TMEM223: variants seen among roughly 807,000 people sequenced by gnomAD.
The protein encoded by TMEM223 is transmembrane protein 223.
TMEM223 carries 14 observed loss-of-function variants against 14.1 expected under a neutral mutation model. That is an observed-to-expected ratio of 0.99 (90% CI 0.66 to 1.55). TMEM223 has a LOEUF of 1.55. TMEM223 is among the 40% of genes most tolerant of loss of function. TMEM223 has a pLI of 0.00. For synonymous variants in TMEM223, 145 were observed against 120.5 expected, an observed-to-expected ratio of 1.20 and a Z score of -1.33; for missense variants, 346 against 269.9, an observed-to-expected ratio of 1.28 and a Z score of -1.97.
chr11:62,784,231 G>A (rs375066960), downstream of TMEM223, among the ~76,000 whole-genome samples: 4 of 150,066 alleles, frequency 2.7e-5, no homozygotes, highest in South Asian at 6.3e-4. Flanking sequence ...CTCGTGTTCC[G>A]CCCGCCTCGG....
intron 1 of TMEM223, chr11:62,778,175 G>A (rs771707530): frequency 6.2e-7 from 1 of 1,613,940 alleles, no homozygotes; most frequent in Non-Finnish European, 8.5e-7. Flanking sequence ...GTTGGGCCGT[G>A]AAGAGAAGTG....
chr11:62,784,670 G>A (rs2084257438), downstream of TMEM223, among the ~76,000 whole-genome samples: 1 of 152,114 alleles, frequency 6.6e-6, no homozygotes, highest in Non-Finnish European at 1.5e-5. Flanking sequence ...TGCATCTTTT[G>A]AAATGATCCG....
downstream of TMEM223, chr11:62,787,698 G>T: frequency 1.2e-6 from 1 of 827,208 alleles, no homozygotes; most frequent in Non-Finnish European, 1.8e-6. Context: ...CGCGCTTTGT[G>T]GCTCCTCCTG....
downstream of TMEM223, among the ~76,000 whole-genome samples, chr11:62,783,946 G>A (rs1236793717): frequency 2.0e-5 from 3 of 147,130 alleles, no homozygotes; most frequent in Admixed American, 6.9e-5. Context: ...TGTTGCTTTT[G>A]AGATTTTTGT....
At chr11:62,772,889 T>G (rs2084159988) in intron 2 of TMEM223, among the ~76,000 whole-genome samples, 1 of 152,032 alleles carries the variant, frequency 6.6e-6, no homozygotes, top group Non-Finnish European at 1.5e-5. Context: ...TGTTTTGTGT[T>G]TTTTTTGAGA....
downstream of TMEM223, chr11:62,787,360 T>G (rs1263677729): frequency 7.8e-6 from 12 of 1,538,206 alleles, no homozygotes; most frequent in East Asian, 2.3e-5. Context: ...TCCACCTTCG[T>G]GGGTCGCGCC....
intron 1 of TMEM223, chr11:62,779,096 C>G: frequency 1.4e-6 from 1 of 690,466 alleles, no homozygotes; most frequent in Non-Finnish European, 2.4e-6. Context: ...TCTCAGCTCA[C>G]CGCACCCTCT....
chr11:62,776,242 G>C, intron 1 of TMEM223: 1 of 821,590 alleles, frequency 1.2e-6, no homozygotes, highest in Non-Finnish European at 2.0e-6. Flanking sequence ...TTTTGTACAG[G>C]AGCAGAGACG....
rs375107993 is a variant in TMEM223, at chr11:62,791,965, C to A, written c.30G>T (p.Thr10=). Residue 10 remains threonine, a synonymous_variant, in exon 1 of 2, where the codon ACG becomes ACT. Coordinates refer to ENST00000307366, the MANE Select transcript of TMEM223 (RefSeq NM_001080501.3). MAAPWRRWP[T]GLLAVLRPLL... is the part of the protein sequence containing the mutation. The stretch of plus-strand genomic sequence containing the variant: ...GGGGCCGCAGCACGGCTAGCAGCCC[C>A]GTGGGCCATCGCCTCCAAGGCGCCG... 24 of 1,565,140 alleles carry A rather than the reference C, an allele frequency of 1.5e-5. No individual in the cohort carries two copies. Among genetic ancestry groups the A allele is most frequent in the Non-Finnish European group, 2.1e-5 (24 of 1,153,594 alleles).
chr11:62,787,731 T>G, downstream of TMEM223: 4 of 693,920 alleles, frequency 5.8e-6, no homozygotes, highest in East Asian at 2.7e-5. Flanking sequence ...TTCGAAGTTG[T>G]CCCCTCGCCA....
chr11:62,772,392 G>C (rs1845722956), intron 2 of TMEM223, among the ~76,000 whole-genome samples: 2 of 151,914 alleles, frequency 1.3e-5, no homozygotes, highest in South Asian at 4.2e-4. Context: ...GCATGGCGGC[G>C]TATGCCTGTA....
chr11:62,780,711 T>C (rs1204583379), intron 1 of TMEM223, among the ~76,000 whole-genome samples: 1 of 141,662 alleles, frequency 7.1e-6, no homozygotes, highest in African/African-American at 2.6e-5. Context: ...GGGTGGATCA[T>C]GTGAGGCCGG....
chr11:62,783,396 G>C (rs973030554), downstream of TMEM223, among the ~76,000 whole-genome samples: 5 of 151,920 alleles, frequency 3.3e-5, no homozygotes, highest in African/African-American at 1.2e-4. Flanking sequence ...GCAGGAGAAT[G>C]GCGTGAACCC....
In TMEM223 at chr11:62,790,594, G is replaced by C; in HGVS notation, c.*29C>G. The C allele has an allele frequency of 6.3e-7, 1 of 1,582,260 alleles. No individual in the cohort carries two copies. The highest frequency in any genetic ancestry group is 8.6e-7 in the Non-Finnish European group (1 of 1,160,044). On this transcript the variant is annotated 3_prime_UTR_variant, in exon 2 of 2. Coordinates refer to ENST00000307366, the MANE Select transcript of TMEM223 (RefSeq NM_001080501.3). ...AAGGTTCAGTTTTTATCCTCCTCTT[G>C]GAGAGGTGAGTGACTTGAGGTCATT...
At chr11:62,775,570 T>G in intron 1 of TMEM223, 1 of 542,732 alleles carries the variant, frequency 1.8e-6, no homozygotes. Context: ...ACTTTGGACT[T>G]TGTCTAGCTT....
chr11:62,786,415 C>T (rs1238299092), downstream of TMEM223: 3 of 1,607,416 alleles, frequency 1.9e-6, no homozygotes, highest in Non-Finnish European at 2.6e-6. Flanking sequence ...TCCAGCCTCC[C>T]TTCCCTGCAT....
At chr11:62,784,376 C>T (rs1179224082), downstream of TMEM223, among the ~76,000 whole-genome samples, 3 of 149,188 alleles carry the variant, frequency 2.0e-5, no homozygotes, top group Non-Finnish European at 3.0e-5. Flanking sequence ...GCCATCTTGG[C>T]TAACTGCAAC....
At position 62,781,815 on chromosome 11, in the gene TMEM223, A is replaced by C. The variant is rs1431638402; in HGVS notation, c.315-7150T>G. On this transcript the variant is annotated intron_variant, in intron 1 of 2. Coordinates refer to the TMEM223 transcript ENST00000528367. ...TTGTAAAACATGAATAAGGTGATAC[A>C]CTGTCTTCCAGAAGAATACCGCATT... The C allele has an allele frequency of 7.6e-6, 9 of 1,177,794 alleles. No homozygotes were observed. In the South Asian group the frequency reaches 8.6e-5, roughly 11 times the overall value. The allele number at this position is 1,177,794 out of a possible 1,614,324, so 73.0% of individuals were successfully genotyped here.
exon 3 of TMEM223, chr11:62,772,067 C>T (rs998507101): frequency 6.6e-6 from 3 of 456,112 alleles, no homozygotes; most frequent in Non-Finnish European, 1.3e-5. Context: ...CCTACTTACT[C>T]AGTGCTTACT....
Sources: gnomAD v4.1 joint callset for allele counts (sites outside exome capture counted in the v4.1 genomes callset) on GRCh38, gnomAD v4.1.1 for gene constraint, MANE v1.5 for transcripts, NCBI Gene and HGNC (gene_info 2026-07-23, HGNC 2026-07-21) for gene names.